The following CACNA1C variants were observed in gnomAD, a reference collection of about 807,000 sequenced individuals.
CACNA1C encodes calcium voltage-gated channel subunit alpha1 C.
A neutral mutation model predicts 229.0 loss-of-function variants in CACNA1C; 30 were observed. The ratio of observed to expected loss-of-function variants is 0.13; its 90% CI spans 0.10 to 0.18. The LOEUF (loss-of-function observed/expected upper bound fraction) is 0.18. Ranked by LOEUF, CACNA1C falls within the 10% of genes least tolerant of loss-of-function variation. CACNA1C has a pLI of 1.00. For synonymous variants in CACNA1C, 1,114 were observed against 1,132.5 expected (o/e 0.98, Z 0.33); for missense variants, 1,658 against 2,845.0 (o/e 0.58, Z 9.49).
At chr12:2,295,510 A>G (rs971325943) in intron 3 of CACNA1C, among the ~76,000 whole-genome samples, 1 of 152,216 alleles carries the variant, frequency 6.6e-6, no homozygotes, top group Non-Finnish European at 1.5e-5. Context: ...TACTTCCTTT[A>G]GTCCCAGTAC....
At chr12:2,033,658 A>G (rs2048607928) in intron 1 of CACNA1C, among the ~76,000 whole-genome samples, 1 of 152,184 alleles carries the variant, frequency 6.6e-6, no homozygotes, top group Admixed American at 6.5e-5. Context: ...AACAACAACA[A>G]AACAACAACA....
intron 43 of CACNA1C, among the ~76,000 whole-genome samples, chr12:2,685,166 CTCA>C (rs1353215634): frequency 2.6e-5 from 4 of 152,066 alleles, no homozygotes; most frequent in Non-Finnish European, 4.4e-5. Flanking sequence ...AAATCTACTT[CTCA>C]TCGAGTTTCC....
Position 2,695,325 on chromosome 12 carries a change from GA to G in CACNA1C, c.*4127del, listed in dbSNP as rs1256006518. ...AAGGATCTATTTGGGAAGGTGAGAA[GA>G]GTACTCATTCCATCTGGGGGTGTTG... On this transcript the variant is annotated 3_prime_UTR_variant, in exon 47 of 47. Transcript: ENST00000399655. 1 of 152,300 alleles carries G rather than the reference GA, an allele frequency of 6.6e-6. No homozygotes were observed. Among genetic ancestry groups the G allele is most frequent in the Non-Finnish European group, 1.5e-5 (1 of 68,090 alleles). 9.4% of individuals were successfully genotyped at this position (152,300 alleles called of 1,614,324 possible).
intron 1 of CACNA1C, among the ~76,000 whole-genome samples, chr12:1,987,508 T>C (rs1424058722): frequency 1.3e-5 from 2 of 152,216 alleles, no homozygotes; most frequent in East Asian, 1.9e-4. Flanking sequence ...AGAACCCTTC[T>C]CTAGTCACTC....
At chr12:2,330,655 T>G (rs938303950) in intron 3 of CACNA1C, among the ~76,000 whole-genome samples, 5 of 152,186 alleles carry the variant, frequency 3.3e-5, no homozygotes, top group Non-Finnish European at 7.3e-5. Flanking sequence ...AGTTTTACCC[T>G]GCAACCTTTA....
At position 2,649,545 on chromosome 12, in the gene CACNA1C, G is replaced by C. The variant is rs935757160; in HGVS notation, c.3945+1038G>C. Among the ~76,000 whole-genome samples the C allele has an allele frequency of 1.3e-5, 2 of 152,156 alleles. No individual in the cohort carries two copies. Among genetic ancestry groups the C allele is most frequent in the African/African-American group, 4.8e-5 (2 of 41,420 alleles). ...TTTTGCATTGTTATTTGGTTTATTA[G>C]AGCAAATTGGTGCATCCGAATGGCA... is the stretch of plus-strand genomic sequence containing the variant. On this transcript the variant is annotated intron_variant, in intron 31 of 46. Coordinates refer to ENST00000399655, the MANE Select transcript of CACNA1C (RefSeq NM_000719.7). The surrounding 1 kb of genome is among the most constrained non-coding windows in gnomAD (Gnocchi z 4.4).
Position 2,144,385 on chromosome 12 carries a change from CAG to C in CACNA1C, c.477+23957_477+23958del, listed in dbSNP as rs1030780980. Among the ~76,000 whole-genome samples the C allele has an allele frequency of 4.0e-5, 6 of 151,282 alleles. 1 individual carries two copies. Among genetic ancestry groups the C allele is most frequent in the African/African-American group, 1.4e-4 (6 of 41,476 alleles). On this transcript the variant is annotated intron_variant, in intron 3 of 46. Coordinates refer to ENST00000399655, the MANE Select transcript of CACNA1C (RefSeq NM_000719.7). Reference sequence around the variant, plus strand: ...AAGATATCATTTTGACATATAAACACAGAATTTCCAAAGTTCAGTCTAAGATC... The same window carrying C: ...AAGATATCATTTTGACATATAAACACAATTTCCAAAGTTCAGTCTAAGATC...
chr12:2,688,594 G>A lies in CACNA1C; in HGVS notation c.5932G>A (p.Glu1978Lys), dbSNP rs765320988. Residue 1978 changes from glutamate (E) to lysine (K), a missense_variant, in exon 46 of 47, where the codon GAG (glutamate) becomes AAG (lysine). Physicochemically the swap from Glu to Lys is moderately conservative, Grantham distance 56. Around this residue, in one of 20 missense-constraint regions of CACNA1C, gnomAD observed 590 missense variants for 700.8 expected, o/e 0.84. Coordinates refer to ENST00000399655, the MANE Select transcript of CACNA1C (RefSeq NM_000719.7). ...PVPTLRLEGV[E>K]SSEKLNSSFP... ...CCCCACCCTGCGGCTTGAGGGGGTC[G>A]AGTCCAGTGAGAAACTCAACAGCAG... 11 of 1,613,858 alleles carry A rather than the reference G, an allele frequency of 6.8e-6. No individual in the cohort carries two copies. The highest frequency in any genetic ancestry group is 2.7e-5 in the African/African-American group (2 of 74,932).
Position 2,610,522 on chromosome 12 carries a change from T to A in CACNA1C, c.3559-19T>A. ...CAGTTAACTAACCCCACTCTCCCCA[T>A]CCTCCACCACCCTCCCAGCGACAGT... On this transcript the variant is annotated intron_variant, in intron 27 of 46. Coordinates refer to ENST00000399655, the MANE Select transcript of CACNA1C (RefSeq NM_000719.7). 6.2e-7 allele frequency: 1 copy of A among 1,604,556 alleles called. No homozygotes were observed. Among genetic ancestry groups the A allele is most frequent in the Non-Finnish European group, 8.5e-7 (1 of 1,173,816 alleles).
At chr12:2,411,739 A>G (rs979250208) in intron 3 of CACNA1C, among the ~76,000 whole-genome samples, 1 of 152,142 alleles carries the variant, frequency 6.6e-6, no homozygotes, top group Admixed American at 6.5e-5. Context: ...TGTGCAGGGG[A>G]TTAGCCCAGC....
At chr12:2,207,328 C>T (rs2097781149) in intron 3 of CACNA1C, among the ~76,000 whole-genome samples, 1 of 152,170 alleles carries the variant, frequency 6.6e-6, no homozygotes, top group Admixed American at 6.5e-5. Context: ...CGGGCTTCTG[C>T]ACATTAAGCG....
chr12:2,557,085 G>A, intron 11 of CACNA1C, 108 bp downstream of exon 11: 1 of 833,076 alleles, frequency 1.2e-6, no homozygotes, highest in Non-Finnish European at 2.0e-6. Context: ...TAGTGTAAGG[G>A]CTGTTCTTCT....
rs192710315 is a variant in CACNA1C, at chr12:2,637,813, C to T, written c.3912+3433C>T. 5.3e-5 allele frequency among the ~76,000 whole-genome samples: 8 copies of T among 152,358 alleles called. No individual in the cohort carries two copies. The East Asian group carries it at 1.3e-3, about 26-fold the overall frequency. On this transcript the variant is annotated intron_variant, in intron 30 of 46. Transcript: ENST00000399655. ...GGGATATGGTCTATTTGGAAAGAGT[C>T]TACATTGTTAGCCTCAGTGTGATCC...
intron 5 of CACNA1C, among the ~76,000 whole-genome samples, chr12:2,475,823 A>T (rs1309928957): frequency 2.0e-5 from 3 of 152,220 alleles, no homozygotes; most frequent in Non-Finnish European, 2.9e-5. Flanking sequence ...TTAACTTGTT[A>T]TGGAAGTATA....
At position 2,067,997 on chromosome 12, in the gene CACNA1C, C is replaced by T. The variant is rs1257706131; in HGVS notation, c.49+14386C>T. Among the ~76,000 whole-genome samples, 2 of 152,124 alleles carry T rather than the reference C, an allele frequency of 1.3e-5. No homozygotes were observed. ...TATCAGAATATCAAATTCCTGAGAA[C>T]AGAACATTTTGTTATTTTTTTCTTC... On this transcript the variant is annotated intron_variant, in intron 1 of 46. Transcript: ENST00000399655. The surrounding 1 kb of genome is among the most constrained non-coding windows in gnomAD (Gnocchi z 5.3).
chr12:2,356,909 A>G (rs537497549), intron 3 of CACNA1C, among the ~76,000 whole-genome samples: 25 of 152,220 alleles, frequency 1.6e-4, no homozygotes, highest in Admixed American at 1.4e-3. Flanking sequence ...CTAGTATGCA[A>G]TAATGACCGG....
chr12:2,292,573 C>G (rs1029425770), intron 3 of CACNA1C, among the ~76,000 whole-genome samples: 2 of 152,200 alleles, frequency 1.3e-5, no homozygotes, highest in Non-Finnish European at 2.9e-5. Context: ...TCAAACCTCT[C>G]TACAGCTTCA....
At chr12:2,688,408 G>A (rs370669738) in intron 45 of CACNA1C, 39 bp from the exon 46 acceptor site, 42 of 1,596,274 alleles carry the variant, frequency 2.6e-5, no homozygotes, top group Non-Finnish European at 3.2e-5. Flanking sequence ...GTTTGGGGTC[G>A]GCCACTCCTA....
intron 3 of CACNA1C, among the ~76,000 whole-genome samples, chr12:2,337,954 A>G (rs1381368161): frequency 1.3e-5 from 2 of 152,138 alleles, no homozygotes; most frequent in Admixed American, 6.5e-5. Flanking sequence ...CCCCAGGCAG[A>G]TCTCCTTAAT....
Sources: allele counts gnomAD v4.1 joint callset (sites outside exome capture counted in the v4.1 genomes callset), GRCh38; gene constraint gnomAD v4.1.1; regional missense constraint gnomAD v4.1.1; non-coding constraint Gnocchi (gnomAD v3.1); transcripts MANE v1.5; gene names NCBI Gene and HGNC (gene_info 2026-07-23, HGNC 2026-07-21).